The following CNGB1 variants were observed in gnomAD, a reference collection of about 807,000 sequenced individuals.
CNGB1 encodes cyclic nucleotide-gated channel beta-1.
CNGB1 carries 126 observed loss-of-function variants against 151.7 expected under a neutral mutation model. The ratio of observed to expected loss-of-function variants is 0.83; its 90% confidence interval spans 0.72 to 0.96. The LOEUF is 0.96. CNGB1 is among the 40% of genes least tolerant of loss of function. The pLI, the probability that CNGB1 is intolerant of heterozygous loss-of-function variation, is 0.00. For missense variants in CNGB1, 1,698 were observed against 1,627.0 expected (o/e 1.04, Z -0.75); for synonymous variants, 623 against 635.1 (o/e 0.98, Z 0.29).
At chr16:57,962,637 C>T (rs934728018) in intron 6 of CNGB1, 27 bp from the exon 7 acceptor site, 1 of 1,612,942 alleles carries the variant, frequency 6.2e-7, no homozygotes, top group Admixed American at 1.7e-5. Context: ...TACAGAAAGG[C>T]AGTCAGCAGC....
At chr16:57,926,662 C>T (rs987192461) in intron 17 of CNGB1, among the ~76,000 whole-genome samples, 4 of 152,222 alleles carry the variant, frequency 2.6e-5, no homozygotes, top group African/African-American at 9.6e-5. Context: ...GTGCCCAGCA[C>T]AGGGCACTCT....
chr16:57,905,702 A>G (rs1168212692), intron 25 of CNGB1, among the ~76,000 whole-genome samples: 1 of 152,192 alleles, frequency 6.6e-6, no homozygotes, highest in Non-Finnish European at 1.5e-5. Context: ...GCTGTTACAA[A>G]AGGTTCTGGT....
chr16:57,924,256 G>A (rs750440763), intron 17 of CNGB1, among the ~76,000 whole-genome samples: 2 of 152,024 alleles, frequency 1.3e-5, no homozygotes, highest in East Asian at 1.9e-4. Context: ...ACTGAGAAAC[G>A]CAAAAGCCTG....
chr16:57,958,415 C>T lies in CNGB1; in HGVS notation c.832G>A (p.Glu278Lys). The change falls in exon 11 of 33, where the codon GAA becomes AAA. Residue 278 changes from glutamate (E) to lysine (K), a missense_variant. Glu to Lys is a moderately conservative substitution (Grantham distance 56). Transcript: ENST00000251102. ...PQPVLHGKIG[E>K]QEPDSPGICD... ...TCCATGAGCCCAGCACTGACCTGTT[C>T]CCCTATTTTCCCATGTAGCACTGGC... 3 of 1,614,068 alleles carry T rather than the reference C, an allele frequency of 1.9e-6. No individual in the cohort carries two copies. The highest frequency in any genetic ancestry group is 2.5e-6 in the Non-Finnish European group (3 of 1,179,932).
chr16:57,920,868 CA>C (rs1961012790), intron 18 of CNGB1, among the ~76,000 whole-genome samples: 1 of 152,170 alleles, frequency 6.6e-6, no homozygotes, highest in Non-Finnish European at 1.5e-5. Flanking sequence ...GTTTAGAGTT[CA>C]GCAAAATTGG....
chr16:57,916,165 GT>G lies in CNGB1; in HGVS notation c.2180del (p.Asp727AlafsTer7). On this transcript the variant is annotated frameshift_variant, in exon 22 of 33. Coordinates refer to ENST00000251102, the MANE Select transcript of CNGB1 (RefSeq NM_001297.5). LOFTEE classifies it high-confidence loss of function. The part of the protein sequence containing the change: ...RGGDIITDKK[D>X]MRNNYLKSRR... Reference sequence around the variant, plus strand: ...GAGACTTCAGGTAGTTATTTCGCATGTCCTTTTTGTCCGTCTGAAAGAAAGG... The same window carrying G: ...GAGACTTCAGGTAGTTATTTCGCATGCCTTTTTGTCCGTCTGAAAGAAAGG... 1 of 1,613,886 alleles carries G rather than the reference GT, an allele frequency of 6.2e-7. No homozygotes were observed. The highest frequency in any genetic ancestry group is 8.5e-7 in the Non-Finnish European group (1 of 1,179,790).
At chr16:57,935,380 A>C (rs565414195) in intron 16 of CNGB1, among the ~76,000 whole-genome samples, 2 of 152,352 alleles carry the variant, frequency 1.3e-5, no homozygotes, top group South Asian at 2.1e-4. Flanking sequence ...AATAGTAAGC[A>C]AATAAAATTA....
chr16:57,914,511 C>T (rs1228400777), intron 23 of CNGB1, among the ~76,000 whole-genome samples: 1 of 152,144 alleles, frequency 6.6e-6, no homozygotes, highest in African/African-American at 2.4e-5. Flanking sequence ...TTGTAAATTC[C>T]CTCAGTACTG....
Position 57,884,151 on chromosome 16 carries a change from GC to G in CNGB1, c.*12del. ...CCTGCTGGAACTGCGCGCGGGATCC[GC>G]CTCACCCCACCTTACTCCGCCTTCT... On this transcript the variant is annotated 3_prime_UTR_variant, in exon 33 of 33. Transcript: ENST00000251102. The G allele has an allele frequency of 6.2e-7, 1 of 1,613,988 alleles. No homozygotes were observed. Among genetic ancestry groups the G allele is most frequent in the Non-Finnish European group, 8.5e-7 (1 of 1,179,900 alleles).
chr16:57,899,346 A>T (rs1270198340), intron 29 of CNGB1, among the ~76,000 whole-genome samples: 1 of 151,240 alleles, frequency 6.6e-6, no homozygotes, highest in Non-Finnish European at 1.5e-5. Flanking sequence ...TAATAATAAT[A>T]ATTAAAAAGG....
At chr16:57,937,988 A>G (rs1186791951) in intron 16 of CNGB1, among the ~76,000 whole-genome samples, 3 of 152,252 alleles carry the variant, frequency 2.0e-5, no homozygotes, top group Non-Finnish European at 4.4e-5. Context: ...ACAAATGTGC[A>G]GACAAATCAC....
At chr16:57,924,708 G>A (rs1320605661) in intron 17 of CNGB1, among the ~76,000 whole-genome samples, 2 of 152,112 alleles carry the variant, frequency 1.3e-5, no homozygotes, top group Non-Finnish European at 2.9e-5. Flanking sequence ...TTGGCGGTGG[G>A]GCTTGGTGGA....
chr16:57,942,282 T>C (rs1353846817), intron 14 of CNGB1, among the ~76,000 whole-genome samples: 1 of 152,134 alleles, frequency 6.6e-6, no homozygotes, highest in African/African-American at 2.4e-5. Flanking sequence ...GGGAAGAAAT[T>C]AAATTGTTCC....
chr16:57,967,126 A>G lies in CNGB1; in HGVS notation c.159+2T>C. 1.9e-6 allele frequency: 3 copies of G among 1,613,948 alleles called. No homozygotes were observed. The highest frequency in any genetic ancestry group is 2.5e-6 in the Non-Finnish European group (3 of 1,179,974). ...TGCCCCTCCTCCCGCTCTACCTCTC[A>G]CCATGGACTCGGACTCTGTCTCGGC... On this transcript the variant is annotated splice_donor_variant, in intron 2 of 32. Transcript: ENST00000251102. LOFTEE classifies it high-confidence loss of function.
intron 20 of CNGB1, 53 bp downstream of exon 20, chr16:57,919,046 C>A: frequency 1.9e-6 from 3 of 1,613,336 alleles, no homozygotes; most frequent in Non-Finnish European, 2.5e-6. Flanking sequence ...CCCGCTCCAA[C>A]TCTCCTGCTC....
chr16:57,882,500 A>G lies in CNGB1; in HGVS notation c.*1664T>C, dbSNP rs1257987255. The G allele has an allele frequency of 6.6e-6, 1 of 152,112 alleles. No homozygotes were observed. Among genetic ancestry groups the G allele is most frequent in the Non-Finnish European group, 1.5e-5 (1 of 68,026 alleles). The allele number at this position is 152,112 out of a possible 1,614,324, so 9.4% of individuals were successfully genotyped here. ...GACTCCCACATTCTTTCATTTTTCC[A>G]CAGTGGAAATGAATGTTGTTTTTAG... On this transcript the variant is annotated 3_prime_UTR_variant, in exon 33 of 33. Transcript: ENST00000251102.
In CNGB1 at chr16:57,964,515, TTCC is replaced by T. The variant is rs1265740200; in HGVS notation, c.186_188del (p.Glu63del). ...GAGGGCTTGGGTCTGCCACAGCCAC[TTCC>T]TCCTCCTTGAATGACTCTTCGGGGG... On this transcript the variant is annotated inframe_deletion, in exon 3 of 33. Transcript: ENST00000251102. 2 of 1,614,028 alleles carry T rather than the reference TTCC, an allele frequency of 1.2e-6. No homozygotes were observed. The highest frequency in any genetic ancestry group is 1.7e-6 in the Non-Finnish European group (2 of 1,180,030).
At chr16:57,949,625 CT>C (rs1961899440) in intron 13 of CNGB1, among the ~76,000 whole-genome samples, 186 bp from the exon 14 acceptor site, 1 of 152,214 alleles carries the variant, frequency 6.6e-6, no homozygotes. Flanking sequence ...AAACCCTCTC[CT>C]CTGCATGAGG....
At chr16:57,956,032 C>T (rs562058732) in intron 12 of CNGB1, among the ~76,000 whole-genome samples, 62 of 152,354 alleles carry the variant, frequency 4.1e-4, no homozygotes, top group Non-Finnish European at 7.3e-4. Context: ...GGCCACCCAG[C>T]GTCCACCCAT....
Sources: gnomAD v4.1 joint callset for allele counts (sites outside exome capture counted in the v4.1 genomes callset) on GRCh38, gnomAD v4.1.1 for gene constraint, MANE v1.5 for transcripts, NCBI Gene and HGNC (gene_info 2026-07-23, HGNC 2026-07-21) for gene names.